The following NEGR1 variants were observed in gnomAD, a reference collection of about 807,000 sequenced individuals.
NEGR1 encodes neuronal growth regulator 1, also known as IgLON family member 4.
In NEGR1, 10 loss-of-function variants were observed where a neutral mutation model predicts 40.9. The observed-to-expected ratio is 0.24, with a 90% CI of 0.15 to 0.42. The LOEUF (loss-of-function observed/expected upper bound fraction) is 0.42, where lower values mean the gene tolerates loss of function less well. Among genes scored for constraint, NEGR1 ranks in the 10% least tolerant of loss-of-function variants. NEGR1 has a pLI of 1.00. For synonymous variants in NEGR1, 185 were observed against 166.8 expected, an observed-to-expected ratio of 1.11 and a Z score of -0.84; for missense variants, 352 against 438.9, an observed-to-expected ratio of 0.80 and a Z score of 1.77.
intron 6 of NEGR1, among the ~76,000 whole-genome samples, chr1:71,510,161 A>G (rs1337251369): frequency 6.6e-6 from 1 of 152,220 alleles, no homozygotes; most frequent in South Asian, 2.1e-4. Context: ...TAATTGTGGC[A>G]TGAGTCTTAA....
Position 72,261,813 on chromosome 1 carries a change from G to GT in NEGR1, c.176+20505dup, listed in dbSNP as rs563730927. Among the ~76,000 whole-genome samples the GT allele has an allele frequency of 2.5e-3, 379 of 152,152 alleles. 3 individuals carry two copies. The highest frequency in any genetic ancestry group is 8.7e-3 in the African/African-American group (360 of 41,542). ...CACTTAGAAGTGACAGTTAAACAAT[G>GT]TGTAACATGAACATACAGAGTGGAA... On this transcript the variant is annotated intron_variant, in intron 1 of 6. Coordinates refer to ENST00000357731, the MANE Select transcript of NEGR1 (RefSeq NM_173808.3).
intron 3 of NEGR1, among the ~76,000 whole-genome samples, chr1:71,768,589 T>C (rs537245176): frequency 2.0e-5 from 3 of 152,160 alleles, no homozygotes; most frequent in Non-Finnish European, 2.9e-5. Context: ...AGATGAAACT[T>C]TGAACTTTGG....
intron 2 of NEGR1, among the ~76,000 whole-genome samples, chr1:71,798,514 C>G (rs1382949661): frequency 6.6e-6 from 1 of 152,144 alleles, no homozygotes; most frequent in Non-Finnish European, 1.5e-5. Context: ...GCACCAAGAA[C>G]TATTCTAACT....
At chr1:71,871,968 A>G (rs1660291733) in intron 2 of NEGR1, among the ~76,000 whole-genome samples, 1 of 152,216 alleles carries the variant, frequency 6.6e-6, no homozygotes, top group African/African-American at 2.4e-5. Context: ...TTGTTTGCAT[A>G]GAATCAAATA....
intron 4 of NEGR1, among the ~76,000 whole-genome samples, chr1:71,637,031 C>G (rs1161524892): frequency 6.6e-6 from 1 of 151,900 alleles, no homozygotes; most frequent in African/African-American, 2.4e-5. Context: ...ATGAAGAGGA[C>G]CAACAGATGT....
chr1:71,513,825 A>T (rs1169144084), intron 6 of NEGR1, among the ~76,000 whole-genome samples: 1 of 150,628 alleles, frequency 6.6e-6, no homozygotes, highest in Non-Finnish European at 1.5e-5. Flanking sequence ...GGTTCATCTC[A>T]CTAGGGAGTG....
intron 1 of NEGR1, among the ~76,000 whole-genome samples, chr1:72,077,187 C>T (rs1647780470): frequency 6.6e-6 from 1 of 152,008 alleles, no homozygotes; most frequent in Non-Finnish European, 1.5e-5. Flanking sequence ...AGCCACCGTG[C>T]CCGGCCCTCA....
chr1:71,798,216 T>C (rs1016136900), intron 2 of NEGR1: 1 of 151,782 alleles, frequency 6.6e-6, no homozygotes, highest in Non-Finnish European at 1.5e-5. Context: ...TAGAGAGTAA[T>C]ATCAGACTCG....
Position 71,928,474 on chromosome 1 carries a change from A to G in NEGR1, c.409+6605T>C, listed in dbSNP as rs796199486. On this transcript the variant is annotated intron_variant, in intron 2 of 6. Transcript: ENST00000357731. ...TATATATACACACATACTTATATAT[A>G]CACATATATATGTATATATACACAT... Among the ~76,000 whole-genome samples the G allele has an allele frequency of 7.3e-4, 105 of 144,448 alleles. 4 individuals carry two copies. Among genetic ancestry groups the G allele is most frequent in the Non-Finnish European group, 1.4e-3 (91 of 66,120 alleles). The allele number at this position is 144,448 out of a possible 152,430, so 94.8% of individuals were successfully genotyped here. A position where few individuals can be genotyped will look rare whatever the true frequency, so the allele number is the denominator to read the frequency against.
chr1:72,082,405 T>G (rs1379937968), intron 1 of NEGR1, among the ~76,000 whole-genome samples: 1 of 152,108 alleles, frequency 6.6e-6, no homozygotes, highest in Non-Finnish European at 1.5e-5. Flanking sequence ...ATATATTAAC[T>G]TATGTAGTAG....
intron 2 of NEGR1, among the ~76,000 whole-genome samples, chr1:71,817,087 G>A (rs1658250729): frequency 2.0e-5 from 3 of 151,944 alleles, no homozygotes; most frequent in African/African-American, 7.2e-5. Flanking sequence ...CTCCAATCAG[G>A]TTTCCGTCTC....
At chr1:72,185,996 T>C (rs189440035) in intron 1 of NEGR1, among the ~76,000 whole-genome samples, 5 of 151,940 alleles carry the variant, frequency 3.3e-5, no homozygotes, top group East Asian at 1.9e-4. Flanking sequence ...GAAAATATTA[T>C]AAAATGAGTT....
At chr1:71,700,012 G>C (rs1653629654) in intron 3 of NEGR1, among the ~76,000 whole-genome samples, 1 of 151,746 alleles carries the variant, frequency 6.6e-6, no homozygotes, top group Non-Finnish European at 1.5e-5. Context: ...CTCAGTCTCA[G>C]GTATGTCTTT....
intron 1 of NEGR1, among the ~76,000 whole-genome samples, chr1:72,059,567 T>A (rs1401565912): frequency 6.6e-6 from 1 of 151,654 alleles, no homozygotes; most frequent in African/African-American, 2.4e-5. Flanking sequence ...CTATCCAATA[T>A]ACAATTATAA....
chr1:71,909,144 C>T (rs973013027), intron 2 of NEGR1, among the ~76,000 whole-genome samples: 1 of 152,100 alleles, frequency 6.6e-6, no homozygotes, highest in African/African-American at 2.4e-5. Context: ...CTTCAGTTCT[C>T]TGTGGGCACA....
intron 1 of NEGR1, among the ~76,000 whole-genome samples, chr1:72,096,491 T>G (rs1408795781): frequency 1.3e-5 from 2 of 151,966 alleles, no homozygotes; most frequent in African/African-American, 4.8e-5. Flanking sequence ...AATATAAAAT[T>G]TCTTATTAAA....
intron 6 of NEGR1, among the ~76,000 whole-genome samples, chr1:71,452,892 C>T (rs528590710): frequency 6.6e-6 from 1 of 151,532 alleles, no homozygotes; most frequent in African/African-American, 2.4e-5. Context: ...TATAAAAATA[C>T]ATATAACAGA....
intron 6 of NEGR1, among the ~76,000 whole-genome samples, chr1:71,546,207 T>A (rs1411251989): frequency 2.6e-5 from 4 of 151,704 alleles, no homozygotes; most frequent in African/African-American, 9.7e-5. Flanking sequence ...ACATAAGGAA[T>A]GTCCATGGCA....
chr1:71,901,278 C>T (rs1661136541), intron 2 of NEGR1, among the ~76,000 whole-genome samples: 1 of 152,196 alleles, frequency 6.6e-6, no homozygotes, highest in Non-Finnish European at 1.5e-5. Context: ...ATAGCAACTA[C>T]TATTGCTACT....
Sources: allele counts gnomAD v4.1 joint callset (sites outside exome capture counted in the v4.1 genomes callset), GRCh38; gene constraint gnomAD v4.1.1; transcripts MANE v1.5; gene names NCBI Gene and HGNC (gene_info 2026-07-23, HGNC 2026-07-21).